SYT1: variants seen among roughly 807,000 people sequenced by gnomAD.
The protein encoded by SYT1 is synaptotagmin 1, also known as synaptotagmin-1.
SYT1 carries 8 observed loss-of-function variants against 44.8 expected under a neutral mutation model. The ratio of observed to expected loss-of-function variants is 0.18; its 90% CI spans 0.10 to 0.32. The LOEUF (loss-of-function observed/expected upper bound fraction) is 0.32. Among genes scored for constraint, SYT1 ranks in the 10% least tolerant of loss-of-function variants. The pLI is 1.00. For synonymous variants in SYT1, 154 were observed against 188.8 expected (o/e 0.82, Z 1.51); for missense variants, 286 against 509.3 (o/e 0.56, Z 4.22).
At chr12:79,360,800 A>AATC (rs1240894630) in intron 9 of SYT1, among the ~76,000 whole-genome samples, 1 of 152,218 alleles carries the variant, frequency 6.6e-6, no homozygotes, top group Non-Finnish European at 1.5e-5. Flanking sequence ...TTCGTAAAAC[A>AATC]TGAACAGATT....
chr12:79,066,391 A>T (rs10861459), intron 3 of SYT1, among the ~76,000 whole-genome samples: 27,403 of 151,828 alleles, frequency 0.18, 2,627 homozygotes, highest in East Asian at 0.3. Context: ...AACTTTTATA[A>T]GCCAGAGGTA....
chr12:79,035,874 G>A (rs751607653), intron 2 of SYT1, among the ~76,000 whole-genome samples: 35 of 150,688 alleles, frequency 2.3e-4, no homozygotes, highest in South Asian at 6.3e-4. Flanking sequence ...AACCTCATGT[G>A]ATAAGTGCCC....
At chr12:79,002,239 C>G (rs994986557) in intron 2 of SYT1, among the ~76,000 whole-genome samples, 10 of 152,012 alleles carry the variant, frequency 6.6e-5, no homozygotes, top group Admixed American at 2.0e-4. Flanking sequence ...TAAGCTTAAG[C>G]AAGAACAAAG....
intron 8 of SYT1, among the ~76,000 whole-genome samples, chr12:79,322,002 T>C (rs776279792): frequency 1.3e-5 from 2 of 152,138 alleles, no homozygotes; most frequent in South Asian, 2.1e-4. Flanking sequence ...GGGAGTGCAG[T>C]TGATTGTTCC....
intron 8 of SYT1, among the ~76,000 whole-genome samples, chr12:79,343,664 T>C (rs531717927): frequency 1.3e-5 from 2 of 152,242 alleles, no homozygotes; most frequent in African/African-American, 4.8e-5. Flanking sequence ...CTTTTGTCAG[T>C]AATAAAATAT....
At chr12:78,976,356 AAATGTTGCTCAGAAGCCATTCAGGG>A (rs1301393790) in intron 1 of SYT1, among the ~76,000 whole-genome samples, 16 of 152,320 alleles carry the variant, frequency 1.1e-4, no homozygotes, top group African/African-American at 3.8e-4. Flanking sequence ...CAGCCAGGCA[AAATGTTGCTCAGAAGCCATTCAGGG>A]AATAAAACTC....
chr12:79,101,246 G>T (rs962930062), intron 3 of SYT1, among the ~76,000 whole-genome samples: 5 of 152,070 alleles, frequency 3.3e-5, no homozygotes, highest in Non-Finnish European at 5.9e-5. Flanking sequence ...GTGGATAAGT[G>T]AATAAACAAA....
chr12:79,206,618 A>G (rs913515516), intron 3 of SYT1, among the ~76,000 whole-genome samples: 28 of 152,200 alleles, frequency 1.8e-4, no homozygotes, highest in African/African-American at 6.8e-4. Flanking sequence ...CTTAGCTTCC[A>G]TGATGGGATC....
chr12:79,020,668 C>T (rs992978059), intron 2 of SYT1, among the ~76,000 whole-genome samples: 1 of 151,876 alleles, frequency 6.6e-6, no homozygotes, highest in Non-Finnish European at 1.5e-5. Context: ...GTTTATATTG[C>T]TGCTATTGCC....
rs1382398487 is a variant in SYT1 at position 79,444,153 on chromosome 12, A to C, written c.1009A>C (p.Asn337His). The C allele has an allele frequency of 6.2e-7, 1 of 1,613,796 alleles. No homozygotes were observed. The highest frequency in any genetic ancestry group is 1.7e-5 in the Admixed American group (1 of 60,020). ...GACAACAATTAAAAAGAACACACTT[A>C]ACCCCTACTACAATGAGTCATTCAG... ...KKTTIKKNTL[N>H]PYYNESFSFE... The change falls in exon 10 of 11, where the codon AAC becomes CAC. Residue 337 changes from asparagine to histidine, a missense_variant. This residue lies in a region of SYT1 where 15 missense variants were observed against 84.6 expected (regional missense o/e 0.18). Transcript: ENST00000261205.
chr12:79,054,411 T>C (rs1376510291), intron 3 of SYT1, among the ~76,000 whole-genome samples: 1 of 152,012 alleles, frequency 6.6e-6, no homozygotes, highest in African/African-American at 2.4e-5. Context: ...AATCTTTTGA[T>C]AGGAAAAGTA....
At chr12:79,315,377 A>G (rs545341405) in intron 8 of SYT1, among the ~76,000 whole-genome samples, 1 of 152,172 alleles carries the variant, frequency 6.6e-6, no homozygotes, top group Admixed American at 6.5e-5. Flanking sequence ...TGCCCAGCTA[A>G]TATTTTTTGT....
chr12:79,064,926 G>GACAAAGAA (rs549891799), intron 3 of SYT1, among the ~76,000 whole-genome samples: 1,509 of 111,534 alleles, frequency 0.014, 23 homozygotes, highest in Non-Finnish European at 0.022. Context: ...AAAAAATAGA[G>GACAAAGAA]AGAAAGAAAG....
chr12:79,378,740 A>C (rs552689960), intron 9 of SYT1, among the ~76,000 whole-genome samples: 201 of 152,338 alleles, frequency 1.3e-3, no homozygotes, highest in African/African-American at 4.7e-3. Context: ...AAACAAAAGT[A>C]TAAAGATTGG....
At position 79,353,084 on chromosome 12, in the gene SYT1, A is replaced by AT. The variant is rs528692639; in HGVS notation, c.811-418_811-417insT. 1.5e-4 allele frequency among the ~76,000 whole-genome samples: 23 copies of AT among 152,302 alleles called. 1 individual carries two copies. The East Asian group carries it at 4.2e-3, about 28-fold the overall frequency. On this transcript the variant is annotated intron_variant, in intron 8 of 10. Coordinates refer to ENST00000261205, the MANE Select transcript of SYT1 (RefSeq NM_005639.3). ...AGAGGTAATCCTATTTGAAATGTAA[A>AT]AGGACAAAAATTTAGGTCGATTGAT...
intron 1 of SYT1, among the ~76,000 whole-genome samples, chr12:78,867,398 A>C (rs759130122): frequency 6.6e-6 from 1 of 152,140 alleles, no homozygotes; most frequent in Non-Finnish European, 1.5e-5. Context: ...CTTCTAAAAA[A>C]TTCAATATCT....
At chr12:79,091,557 G>A (rs1324818560) in intron 3 of SYT1, among the ~76,000 whole-genome samples, 2 of 151,906 alleles carry the variant, frequency 1.3e-5, no homozygotes, top group Non-Finnish European at 2.9e-5. Flanking sequence ...TGATTTATCT[G>A]GAGTCAACCA....
chr12:79,145,176 T>G (rs1418804057), intron 3 of SYT1, among the ~76,000 whole-genome samples: 1 of 152,214 alleles, frequency 6.6e-6, no homozygotes, highest in Non-Finnish European at 1.5e-5. Flanking sequence ...CCTTAAATGC[T>G]TTAGATGGTA....
chr12:79,278,754 A>G (rs1420661353), intron 4 of SYT1, among the ~76,000 whole-genome samples: 1 of 151,982 alleles, frequency 6.6e-6, no homozygotes, highest in Non-Finnish European at 1.5e-5. Flanking sequence ...CGATAGACCA[A>G]TAGCTAGATT....
Sources: gnomAD v4.1 joint callset for allele counts (sites outside exome capture counted in the v4.1 genomes callset) on GRCh38, gnomAD v4.1.1 for gene constraint, gnomAD v4.1.1 regional missense constraint, MANE v1.5 for transcripts, NCBI Gene and HGNC (gene_info 2026-07-23, HGNC 2026-07-21) for gene names.